GPR107: variants seen among roughly 807,000 people sequenced by gnomAD.
GPR107 encodes the protein protein GPR107.
A neutral mutation model predicts 75.5 loss-of-function variants in GPR107; 31 were observed. The observed-to-expected ratio is 0.41, with a 90% CI of 0.31 to 0.55. The LOEUF (loss-of-function observed/expected upper bound fraction) is 0.55, where lower values mean the gene tolerates loss of function less well. GPR107 is among the 20% of genes least tolerant of loss of function. GPR107 has a pLI of 0.26. For synonymous variants in GPR107, 267 were observed against 251.3 expected (o/e 1.06, Z -0.59); for missense variants, 572 against 665.7 (o/e 0.86, Z 1.55).
intron 1 of GPR107, among the ~76,000 whole-genome samples, chr9:130,059,733 CTTTTTTTTTT>C (rs61429853): frequency 6.6e-4 from 95 of 144,414 alleles, no homozygotes; most frequent in African/African-American, 1.5e-3. Context: ...GTTAATACGT[CTTTTTTTTTT>C]TTTTTTTTTT....
chr9:130,106,770 G>C (rs1831171672), intron 13 of GPR107, among the ~76,000 whole-genome samples: 1 of 152,154 alleles, frequency 6.6e-6, no homozygotes, highest in South Asian at 2.1e-4. Flanking sequence ...GGAGGATTTA[G>C]GAAGAGTAAT....
At chr9:130,106,159 G>A (rs1281677327) in intron 13 of GPR107, among the ~76,000 whole-genome samples, 2 of 152,148 alleles carry the variant, frequency 1.3e-5, no homozygotes, top group Non-Finnish European at 2.9e-5. Flanking sequence ...ACAAGCTGTC[G>A]AGGTGTAAGC....
intron 12 of GPR107, among the ~76,000 whole-genome samples, chr9:130,101,550 A>G (rs12340541): frequency 0.32 from 48,048 of 152,232 alleles, 7,775 homozygotes; most frequent in Non-Finnish European, 0.38. Flanking sequence ...TGCCCTTGGC[A>G]AGGAAGCTCA....
intron 14 of GPR107, among the ~76,000 whole-genome samples, chr9:130,120,037 G>T (rs557234646): frequency 7.9e-5 from 12 of 152,242 alleles, no homozygotes; most frequent in African/African-American, 2.9e-4. Context: ...TGTTGCCCAG[G>T]CTGGTCTCTC....
Position 130,103,142 on chromosome 9 carries a change from G to C in GPR107, c.1132-1278G>C, listed in dbSNP as rs1437245520. Among the ~76,000 whole-genome samples the C allele has an allele frequency of 6.6e-6, 1 of 152,102 alleles. No homozygotes were observed. The highest frequency in any genetic ancestry group is 2.1e-4 in the South Asian group (1 of 4,824). On this transcript the variant is annotated intron_variant, in intron 12 of 17. Transcript: ENST00000347136. The surrounding 1 kb of genome is among the most constrained non-coding windows in gnomAD (Gnocchi z 4.3). ...CAGATGCTAGTGTTTTGGATAGACA[G>C]GGCTTCACGAGCAGTGTGGGACAGG...
intron 5 of GPR107, among the ~76,000 whole-genome samples, chr9:130,080,257 G>A (rs1390083521): frequency 6.6e-6 from 1 of 152,052 alleles, no homozygotes; most frequent in African/African-American, 2.4e-5. Context: ...CTTTAAGATG[G>A]TTTTCAGAAT....
chr9:130,125,352 G>T (rs1234871675), intron 15 of GPR107, among the ~76,000 whole-genome samples: 4 of 150,660 alleles, frequency 2.7e-5, no homozygotes, highest in Admixed American at 1.3e-4. Flanking sequence ...AGAGTGCGGG[G>T]ATTACAGCGT....
chr9:130,079,828 G>C (rs75717383), intron 5 of GPR107, 59 bp downstream of exon 5: 30,869 of 1,177,536 alleles, frequency 0.026, 508 homozygotes, highest in East Asian at 0.048. Context: ...TAGCTTTTTT[G>C]TTCCTAATTA....
At chr9:130,097,928 C>A (rs1400366938) in intron 9 of GPR107, among the ~76,000 whole-genome samples, 1 of 151,890 alleles carries the variant, frequency 6.6e-6, no homozygotes, top group African/African-American at 2.4e-5. Context: ...GTCACCCAGT[C>A]TGGAGTGCAA....
At chr9:130,119,552 G>A (rs755180319) in intron 14 of GPR107, among the ~76,000 whole-genome samples, 6 of 152,042 alleles carry the variant, frequency 3.9e-5, no homozygotes, top group Admixed American at 6.5e-5. Flanking sequence ...CTGACTTATC[G>A]GAGGCCACAC....
At chr9:130,106,634 A>G (rs1831166439) in intron 13 of GPR107, among the ~76,000 whole-genome samples, 1 of 151,096 alleles carries the variant, frequency 6.6e-6, no homozygotes, top group Admixed American at 6.6e-5. Context: ...AATAATAATA[A>G]TAATACTTGT....
At chr9:130,101,876 A>G (rs1031201507) in intron 12 of GPR107, among the ~76,000 whole-genome samples, 3 of 152,300 alleles carry the variant, frequency 2.0e-5, no homozygotes, top group African/African-American at 7.2e-5. Context: ...CTTTTCTCAC[A>G]TTTTGGAGCA....
intron 1 of GPR107, among the ~76,000 whole-genome samples, chr9:130,073,811 C>CA (rs1355150490): frequency 1.3e-5 from 2 of 152,138 alleles, no homozygotes; most frequent in African/African-American, 2.4e-5. Flanking sequence ...GCTGGAGTGC[C>CA]ATGGCACGAT....
intron 1 of GPR107, 58 bp from the exon 2 acceptor site, chr9:130,075,578 T>C: frequency 2.2e-6 from 2 of 914,436 alleles, no homozygotes; most frequent in Non-Finnish European, 3.6e-6. Context: ...AATGAATAGG[T>C]TAAATAATCA....
At chr9:130,093,163 G>T (rs1341888329) in intron 9 of GPR107, among the ~76,000 whole-genome samples, 6 of 152,098 alleles carry the variant, frequency 3.9e-5, no homozygotes, top group African/African-American at 1.4e-4. Context: ...CCAGATACTT[G>T]TCACTGGACA....
intron 12 of GPR107, among the ~76,000 whole-genome samples, chr9:130,102,716 C>G (rs1000735743): frequency 3.9e-5 from 6 of 152,150 alleles, no homozygotes; most frequent in Non-Finnish European, 8.8e-5. Context: ...AACATTCTGT[C>G]TCTCATGCAG....
chr9:130,083,494 A>G, intron 5 of GPR107, 71 bp from the exon 6 acceptor site: 2 of 848,350 alleles, frequency 2.4e-6, no homozygotes, highest in Non-Finnish European at 1.7e-6. Flanking sequence ...TCATAAAATG[A>G]TACTGTAATA....
chr9:130,121,636 C>T (rs1423175685), intron 14 of GPR107, among the ~76,000 whole-genome samples: 2 of 152,242 alleles, frequency 1.3e-5, no homozygotes, highest in African/African-American at 4.8e-5. Flanking sequence ...TGTTCCACAG[C>T]ACTCTCCGCA....
At chr9:130,106,024 G>C (rs977527431) in intron 13 of GPR107, among the ~76,000 whole-genome samples, 1 of 152,088 alleles carries the variant, frequency 6.6e-6, no homozygotes, top group Non-Finnish European at 1.5e-5. Flanking sequence ...TTAGTCACTC[G>C]GGTATCTAAC....
Sources: gnomAD v4.1 joint callset for allele counts (sites outside exome capture counted in the v4.1 genomes callset) on GRCh38, gnomAD v4.1.1 for gene constraint, Gnocchi (gnomAD v3.1) non-coding constraint, MANE v1.5 for transcripts, NCBI Gene and HGNC (gene_info 2026-07-23, HGNC 2026-07-21) for gene names.